Variants in SYNE1 observed in about 807,000 individuals in gnomAD.
The protein encoded by SYNE1 is nesprin-1.
A neutral mutation model predicts 1,111.0 loss-of-function variants in SYNE1; 616 were observed. The ratio of observed to expected loss-of-function variants is 0.55; its 90% CI spans 0.52 to 0.59. The LOEUF is 0.59. Among genes scored for constraint, SYNE1 ranks in the 20% least tolerant of loss-of-function variants. SYNE1 has a pLI of 0.00. For synonymous variants in SYNE1, 3,855 were observed against 3,825.8 expected (o/e 1.01, Z -0.28); for missense variants, 10,006 against 10,417.0 (o/e 0.96, Z 1.72).
chr6:152,604,160 A>ATGTGTG (rs34756749), intron 3 of SYNE1, among the ~76,000 whole-genome samples: 2 of 148,778 alleles, frequency 1.3e-5, no homozygotes, highest in African/African-American at 2.5e-5. Context: ...AACCCTTTAT[A>ATGTGTG]TGTGTGTGTG....
chr6:152,479,116 C>T (rs2098859561), intron 14 of SYNE1, among the ~76,000 whole-genome samples: 3 of 152,050 alleles, frequency 2.0e-5, no homozygotes, highest in Admixed American at 2.0e-4. Context: ...GGAGGGGTCT[C>T]ATTTACTGGT....
In SYNE1 at chr6:152,484,895, G is replaced by A. The variant is rs569973824; in HGVS notation, c.1125C>T (p.Asp375=). ...ATGCTTGGTCAAGTGACAATTTACC[G>A]TCTCTGTGTAATGGTTGTATTAAAT... The part of the protein sequence containing the change: ...IEHLIQPLHR[D]GKLSLDQALV... The change falls in exon 13 of 146, where the codon GAC becomes GAT. Residue 375 remains aspartate, a synonymous_variant. Transcript: ENST00000367255. The A allele has an allele frequency of 4.1e-5, 66 of 1,613,590 alleles. No homozygotes were observed. The highest frequency in any genetic ancestry group is 5.1e-5 in the Non-Finnish European group (60 of 1,179,888).
chr6:152,176,264 A>T, intron 130 of SYNE1, 130 bp downstream of exon 130: 1 of 1,272,334 alleles, frequency 7.9e-7, no homozygotes, highest in African/African-American at 1.5e-5. Flanking sequence ...GAGCATGAAC[A>T]GTTTTGAAAA....
intron 22 of SYNE1, among the ~76,000 whole-genome samples, chr6:152,457,415 A>T (rs995305022): frequency 1.3e-5 from 2 of 152,112 alleles, no homozygotes; most frequent in Non-Finnish European, 2.9e-5. Flanking sequence ...CCATGAACCT[A>T]TGTCAATTAA....
At chr6:152,247,855 A>AACACACACACACACAC (rs10592346) in intron 105 of SYNE1, among the ~76,000 whole-genome samples, 115 of 89,890 alleles carry the variant, frequency 1.3e-3, no homozygotes, top group African/African-American at 5.0e-3. Context: ...GGTGTTCTTT[A>AACACACACACACACAC]ACACACACAC....
At position 152,391,396 on chromosome 6, in the gene SYNE1, G is replaced by A. The variant is rs750505130; in HGVS notation, c.7885C>T (p.Leu2629=). 3.7e-6 allele frequency: 6 copies of A among 1,613,780 alleles called. No homozygotes were observed. In the East Asian group the frequency reaches 8.9e-5, roughly 24 times the overall value. Residue 2629 remains leucine, a synonymous_variant, in exon 52 of 146, where the codon CTG becomes TTG. Coordinates refer to ENST00000367255, the MANE Select transcript of SYNE1 (RefSeq NM_182961.4). The stretch of plus-strand genomic sequence containing the variant: ...CACATGCTTTGCAGTGCTTCCTCCA[G>A]GGCTTCGTGCTCCTGAAGGGCCACC... ...CQVALQEHEA[L]EEALQSMWFW...
intron 137 of SYNE1, chr6:152,145,316 T>C: frequency 1.5e-6 from 1 of 686,820 alleles, no homozygotes; most frequent in South Asian, 1.6e-5. Context: ...TGAAATCTTA[T>C]TCTTGGTGTG....
chr6:152,211,375 C>T, intron 124 of SYNE1, 119 bp downstream of exon 124: 1 of 798,472 alleles, frequency 1.3e-6, no homozygotes, highest in Non-Finnish European at 2.1e-6. Context: ...ATTACTGAGG[C>T]CCCACTACAG....
intron 93 of SYNE1, among the ~76,000 whole-genome samples, chr6:152,297,820 TGTGC>T (rs754183956): frequency 0.058 from 2,302 of 39,570 alleles, 19 homozygotes; most frequent in Middle Eastern, 0.14. Context: ...TGTGTGTGTG[TGTGC>T]GCGCGCACGT....
chr6:152,624,583 T>C (rs2099682235), intron 3 of SYNE1, among the ~76,000 whole-genome samples: 1 of 152,200 alleles, frequency 6.6e-6, no homozygotes, highest in Non-Finnish European at 1.5e-5. Flanking sequence ...TTTAAAGTTT[T>C]AATACCCCTT....
chr6:152,632,877 C>T (rs1403151674), intron 2 of SYNE1, among the ~76,000 whole-genome samples: 3 of 151,944 alleles, frequency 2.0e-5, no homozygotes, highest in Admixed American at 6.5e-5. Context: ...ATTTTCCTTC[C>T]CCTGTTCCCA....
intron 23 of SYNE1, 53 bp from the exon 24 acceptor site, chr6:152,455,643 A>T (rs1433970795): frequency 6.2e-7 from 1 of 1,608,362 alleles, no homozygotes; most frequent in East Asian, 2.2e-5. Flanking sequence ...TACTGAAAGG[A>T]TCATTTTGTT....
intron 14 of SYNE1, among the ~76,000 whole-genome samples, chr6:152,476,152 C>T (rs1471310457): frequency 2.6e-5 from 4 of 152,032 alleles, no homozygotes; most frequent in African/African-American, 7.2e-5. Context: ...CCAATGACTC[C>T]GAATTTTTAT....
rs763176021 is a variant in SYNE1, at chr6:152,189,369, C to A, written c.23184G>T (p.Leu7728Phe). The A allele has an allele frequency of 6.2e-7, 1 of 1,613,940 alleles. No individual in the cohort carries two copies. Among genetic ancestry groups the A allele is most frequent in the Non-Finnish European group, 8.5e-7 (1 of 1,179,982 alleles). ...TGTCCTTCAGCAGGCTCAACTGGGT[C>A]AAGTCATCTGTCCAGCTCCCAACTG... Reference protein sequence around the residue: ...ENAVGSWTDDLTQLSLLKDTL... With the variant: ...ENAVGSWTDDFTQLSLLKDTL... Residue 7728 changes from leucine (L) to phenylalanine (F), a missense_variant, in exon 128 of 146, where the codon TTG becomes TTT. Leu to Phe is a conservative substitution (Grantham distance 22). Transcript: ENST00000367255.
At chr6:152,552,645 C>T (rs1326708090) in intron 3 of SYNE1, among the ~76,000 whole-genome samples, 2 of 151,994 alleles carry the variant, frequency 1.3e-5, no homozygotes, top group African/African-American at 4.8e-5. Context: ...AAAGAGTGAA[C>T]CTGAGAAATA....
chr6:152,636,951 C>T (rs957293886), intron 1 of SYNE1, 146 bp from the exon 2 acceptor site: 1 of 152,594 alleles, frequency 6.6e-6, no homozygotes, highest in Non-Finnish European at 1.5e-5. Flanking sequence ...GGTTCCTCCT[C>T]CCGGCTGCTC....
chr6:152,461,482 A>T, intron 21 of SYNE1, 115 bp downstream of exon 21: 1 of 1,343,616 alleles, frequency 7.4e-7, no homozygotes, highest in Admixed American at 1.8e-5. Flanking sequence ...CCCAATTAGA[A>T]ACAAAAGCAT....
intron 3 of SYNE1, among the ~76,000 whole-genome samples, chr6:152,552,353 C>T (rs181792023): frequency 2.5e-4 from 38 of 152,006 alleles, no homozygotes; most frequent in Non-Finnish European, 4.9e-4. Context: ...TTTTGCATTT[C>T]AAATTACTGC....
chr6:152,138,292 C>T (rs1203031582), intron 140 of SYNE1, among the ~76,000 whole-genome samples: 1 of 152,026 alleles, frequency 6.6e-6, no homozygotes, highest in Non-Finnish European at 1.5e-5. Context: ...GGGCGGATCA[C>T]TTGAGGTCAG....
Sources: gnomAD v4.1 joint callset for allele counts (sites outside exome capture counted in the v4.1 genomes callset) on GRCh38, gnomAD v4.1.1 for gene constraint, MANE v1.5 for transcripts, NCBI Gene and HGNC (gene_info 2026-07-23, HGNC 2026-07-21) for gene names.